OPHN1: variants seen among roughly 807,000 people sequenced by gnomAD.
OPHN1 encodes the protein oligophrenin-1.
OPHN1 carries 11 observed loss-of-function variants against 60.7 expected under a neutral mutation model. The ratio of observed to expected loss-of-function variants is 0.18; its 90% CI spans 0.11 to 0.30. OPHN1 has a LOEUF of 0.30. Among genes scored for constraint, OPHN1 ranks in the 10% least tolerant of loss-of-function variants. The pLI, the probability that OPHN1 is intolerant of heterozygous loss-of-function variation, is 1.00. For missense variants in OPHN1, 449 were observed against 611.0 expected (o/e 0.73, Z 2.80); for synonymous variants, 226 against 222.6 (o/e 1.02, Z -0.14).
chrX:68,249,315 G>C (rs2077822097), intron 5 of OPHN1, among the ~76,000 whole-genome samples: 1 of 112,084 alleles, frequency 8.9e-6, no homozygotes, highest in East Asian at 2.8e-4. Context: ...TATTCTTTTA[G>C]TTTAATGTAA....
rs899144372 is a variant in OPHN1 at position 68,046,533 on chromosome X, A to G, written c.*639T>C. On this transcript the variant is annotated 3_prime_UTR_variant, in exon 25 of 25. Coordinates refer to ENST00000355520, the MANE Select transcript of OPHN1 (RefSeq NM_002547.3). ...TAACAGCAGGAAGGCCACCTTCCTA[A>G]GTCCACATGGAGGTGCTGTGGGGGC... The G allele has an allele frequency of 2.7e-5, 3 of 112,264 alleles. No homozygotes were observed. The Admixed American group carries it at 2.8e-4, about 11-fold the overall frequency. 9.3% of individuals were successfully genotyped at this position (112,264 alleles called of 1,213,427 possible).
chrX:68,255,308 A>T (rs1009570909), intron 5 of OPHN1, among the ~76,000 whole-genome samples: 1 of 111,956 alleles, frequency 8.9e-6, no homozygotes, highest in Non-Finnish European at 1.9e-5. Flanking sequence ...AAATTATAAC[A>T]ATATACTGAA....
At chrX:68,172,657 A>G (rs978607520) in intron 15 of OPHN1, among the ~76,000 whole-genome samples, 1 of 111,521 alleles carries the variant, frequency 9.0e-6, no homozygotes, top group South Asian at 3.8e-4. Context: ...CCAAATATAC[A>G]TATACACCTT....
chrX:68,101,690 T>G (rs2077059534), intron 18 of OPHN1, among the ~76,000 whole-genome samples: 1 of 112,335 alleles, frequency 8.9e-6, no homozygotes, highest in African/African-American at 3.2e-5. Context: ...TGAATTATCA[T>G]TGCCTAGATG....
At chrX:68,072,509 C>T (rs958583811) in intron 20 of OPHN1, among the ~76,000 whole-genome samples, 1 of 111,056 alleles carries the variant, frequency 9.0e-6, no homozygotes, top group Non-Finnish European at 1.9e-5. Flanking sequence ...TAAAGTGTTT[C>T]AAGAAGGAGG....
At chrX:68,220,158 C>T (rs1328316849) in intron 6 of OPHN1, among the ~76,000 whole-genome samples, 35 of 105,157 alleles carry the variant, frequency 3.3e-4, no homozygotes, top group Admixed American at 6.2e-4. Context: ...AACACCTCTA[C>T]GCAAATAAAC....
chrX:68,124,269 G>GT lies in OPHN1; in HGVS notation c.1277-4938dup, dbSNP rs1419100273. Among the ~76,000 whole-genome samples the GT allele has an allele frequency of 1.0e-3, 111 of 107,173 alleles. No individual in the cohort carries two copies. The Middle Eastern group carries it at 0.014, about 14-fold the overall frequency. The allele number at this position is 107,173 out of a possible 115,157, so 93.1% of individuals were successfully genotyped here. On this transcript the variant is annotated intron_variant, in intron 15 of 24. Coordinates refer to ENST00000355520, the MANE Select transcript of OPHN1 (RefSeq NM_002547.3). ...CTAGACATACTATTCTAGAATAAAA[G>GT]TTTTTTTTTTCCCTTCACTACTTTA...
chrX:68,184,483 C>T (rs2077452930), intron 15 of OPHN1, among the ~76,000 whole-genome samples: 1 of 105,490 alleles, frequency 9.5e-6, no homozygotes, highest in African/African-American at 3.5e-5. Context: ...GATCACGTCA[C>T]TGCACTCCGG....
rs1454941281 is a variant in OPHN1, at chrX:68,064,059, C to T, written c.1953G>A (p.Lys651=). ...QRSGETDPGR[K]SPSRPILDGK... Reference sequence around the variant, plus strand: ...CATCCAAAATAGGCCTGCTTGGGGACTTCCTCCCAGGATCAGTTTCCCCAC... The same window carrying T: ...CATCCAAAATAGGCCTGCTTGGGGATTTCCTCCCAGGATCAGTTTCCCCAC... The change falls in exon 21 of 25, where the codon AAG becomes AAA. Residue 651 remains lysine (K), a synonymous_variant. Transcript: ENST00000355520. The T allele has an allele frequency of 8.3e-7, 1 of 1,210,509 alleles. No individual in the cohort carries two copies. The highest frequency in any genetic ancestry group is 1.7e-5 in the African/African-American group (1 of 57,460).
chrX:68,238,902 G>A (rs950216637), intron 5 of OPHN1, among the ~76,000 whole-genome samples: 6 of 111,494 alleles, frequency 5.4e-5, no homozygotes, highest in African/African-American at 1.6e-4. Flanking sequence ...TTGTCTATAG[G>A]CAGCTCGTGT....
chrX:68,146,538 G>T lies in OPHN1; in HGVS notation c.1277-27206C>A, dbSNP rs763044743. Among the ~76,000 whole-genome samples the T allele has an allele frequency of 3.6e-5, 4 of 112,271 alleles. No individual in the cohort carries two copies. The South Asian group carries it at 1.5e-3, about 42-fold the overall frequency. On this transcript the variant is annotated intron_variant, in intron 15 of 24. Transcript: ENST00000355520. ...CCAAGAGTTAATTTGTATACTCTGGGATATGGATTAATACATCTGACCCTT... is the reference window on the plus strand; with the variant it reads ...CCAAGAGTTAATTTGTATACTCTGGTATATGGATTAATACATCTGACCCTT...
chrX:68,327,797 T>TAAAAAAAAAAAAAAAAA (rs35324033), intron 2 of OPHN1, among the ~76,000 whole-genome samples: 2 of 67,388 alleles, frequency 3.0e-5, no homozygotes, highest in Non-Finnish European at 2.8e-5. Context: ...ATAAAAAAAA[T>TAAAAAAAAAAAAAAAAA]AAAAAAAAAA....
chrX:68,125,154 T>C (rs1392816814), intron 15 of OPHN1, among the ~76,000 whole-genome samples: 2 of 111,038 alleles, frequency 1.8e-5, no homozygotes, highest in Admixed American at 9.6e-5. Flanking sequence ...CAAATGATAA[T>C]GGAAATGTAA....
At chrX:68,142,379 T>C (rs998101345) in intron 15 of OPHN1, among the ~76,000 whole-genome samples, 2 of 112,404 alleles carry the variant, frequency 1.8e-5, no homozygotes, top group African/African-American at 6.5e-5. Flanking sequence ...ATGTAATTAC[T>C]AGTTAAAAAG....
intron 15 of OPHN1, among the ~76,000 whole-genome samples, chrX:68,169,263 G>A (rs1234938677): frequency 4.5e-5 from 5 of 111,198 alleles, no homozygotes; most frequent in African/African-American, 1.6e-4. Context: ...ACAAACCACT[G>A]CTCAATGAAA....
intron 5 of OPHN1, among the ~76,000 whole-genome samples, chrX:68,243,236 A>G (rs1177709132): frequency 9.0e-6 from 1 of 111,129 alleles, no homozygotes; most frequent in Non-Finnish European, 1.9e-5. Flanking sequence ...ATGGGGAGTC[A>G]TTCCTTACCG....
At chrX:68,332,650 G>A (rs1259672135) in intron 2 of OPHN1, among the ~76,000 whole-genome samples, 1 of 111,348 alleles carries the variant, frequency 9.0e-6, no homozygotes, top group Non-Finnish European at 1.9e-5. Context: ...ATTCCCAAGG[G>A]AAAACTCCAG....
intron 2 of OPHN1, among the ~76,000 whole-genome samples, chrX:68,403,582 G>GC (rs1218632503): frequency 1.8e-5 from 2 of 111,118 alleles, no homozygotes; most frequent in African/African-American, 6.5e-5. Flanking sequence ...AGAAATCTAA[G>GC]CAGGGGGTCA....
intron 2 of OPHN1, among the ~76,000 whole-genome samples, chrX:68,425,386 A>C (rs1367442383): frequency 8.9e-6 from 1 of 112,672 alleles, no homozygotes; most frequent in Non-Finnish European, 1.9e-5. Flanking sequence ...TGGTAGCCAG[A>C]AAACAAAATA....
Sources: gnomAD v4.1 joint callset for allele counts (sites outside exome capture counted in the v4.1 genomes callset) on GRCh38, gnomAD v4.1.1 for gene constraint, MANE v1.5 for transcripts, NCBI Gene and HGNC (gene_info 2026-07-23, HGNC 2026-07-21) for gene names.